The following FAT1 variants were observed in gnomAD, a reference collection of about 807,000 sequenced individuals.
FAT1 encodes FAT atypical cadherin 1, also known as protocadherin Fat 1.
FAT1 carries 171 observed loss-of-function variants against 329.8 expected under a neutral mutation model. The observed-to-expected ratio is 0.52, with a 90% CI of 0.46 to 0.59. The LOEUF (loss-of-function observed/expected upper bound fraction) is 0.59. FAT1 is among the 20% of genes least tolerant of loss of function. FAT1 has a pLI of 0.00. For synonymous variants in FAT1, 2,233 were observed against 2,228.6 expected (o/e 1.00, Z -0.06); for missense variants, 5,672 against 5,774.4 (o/e 0.98, Z 0.57).
At chr4:186,592,679 A>C (rs1242249370) in intron 26 of FAT1, 1 of 456,692 alleles carries the variant, frequency 2.2e-6, no homozygotes, top group Admixed American at 2.3e-5. Context: ...AAGCACGAGC[A>C]CTTACAACTG....
rs1744638538 is a variant in FAT1, at chr4:186,706,861, C to T, written c.2967G>A (p.Leu989=). The T allele has an allele frequency of 1.2e-6, 2 of 1,613,946 alleles. No individual in the cohort carries two copies. The highest frequency in any genetic ancestry group is 1.7e-6 in the Non-Finnish European group (2 of 1,179,892). ...LSGAVRIVQQ[L]DFEKKQVYNL... Reference sequence around the variant, plus strand: ...TATACACTTGCTTCTTCTCAAAGTCCAACTGCTGGACGATCCTAACTGCTC... The same window carrying T: ...TATACACTTGCTTCTTCTCAAAGTCTAACTGCTGGACGATCCTAACTGCTC... The change falls in exon 2 of 27, where the codon TTG becomes TTA. Residue 989 remains leucine (L), a synonymous_variant. Coordinates refer to ENST00000441802, the MANE Select transcript of FAT1 (RefSeq NM_005245.4).
chr4:186,636,608 C>G lies in FAT1; in HGVS notation c.3949G>C (p.Ala1317Pro), dbSNP rs1160597076. Reference protein sequence around the residue: ...GVVSSKRFSAAGEYDILSIKA... With the variant: ...GVVSSKRFSAPGEYDILSIKA... ...ACTGAAAGAATATCATATTCTCCAG[C>G]TGCTGAAAACCTCTTGGACGAAACC... Residue 1317 changes from alanine to proline, a missense_variant, in exon 5 of 27, where the codon GCT becomes CCT. Around this residue, in one of 2 missense-constraint regions of FAT1, gnomAD observed 3,966 missense variants for 3,915.2 expected, o/e 1.01. Coordinates refer to ENST00000441802, the MANE Select transcript of FAT1 (RefSeq NM_005245.4). 6.2e-7 allele frequency: 1 copy of G among 1,611,458 alleles called. No individual in the cohort carries two copies. Among genetic ancestry groups the G allele is most frequent in the Non-Finnish European group, 8.5e-7 (1 of 1,178,652 alleles).
In FAT1 at chr4:186,618,442, T is replaced by C. The variant is rs2126495366; in HGVS notation, c.8144A>G (p.Asp2715Gly). 6.2e-7 allele frequency: 1 copy of C among 1,614,056 alleles called. No homozygotes were observed. The highest frequency in any genetic ancestry group is 8.5e-7 in the Non-Finnish European group (1 of 1,179,902). Residue 2715 changes from aspartate to glycine, a missense_variant, in exon 10 of 27, where the codon GAC (aspartate) becomes GGC (glycine). By Grantham distance (94) the Asp-to-Gly change is moderately conservative (BLOSUM62 -1). Around this residue, in one of 2 missense-constraint regions of FAT1, gnomAD observed 3,966 missense variants for 3,915.2 expected, o/e 1.01. Transcript: ENST00000441802. Reference sequence around the variant, plus strand: ...ATCTATCTCTGTTCCAATAGGCACGTCCTCTGACACTGTAAAGGTATAGAA... The same window carrying C: ...ATCTATCTCTGTTCCAATAGGCACGCCCTCTGACACTGTAAAGGTATAGAA... Reference protein sequence around the residue: ...EPFYTFTVSEDVPIGTEIDLI... With the variant: ...EPFYTFTVSEGVPIGTEIDLI...
chr4:186,597,815 C>T (rs760226790), intron 23 of FAT1, 23 bp from the exon 24 acceptor site: 4 of 1,598,482 alleles, frequency 2.5e-6, no homozygotes, highest in Non-Finnish European at 3.4e-6. Context: ...GAGAAACAGA[C>T]ATAAACCTCA....
At chr4:186,719,667 T>G (rs1210936782) in intron 1 of FAT1, among the ~76,000 whole-genome samples, 1 of 152,190 alleles carries the variant, frequency 6.6e-6, no homozygotes, top group Non-Finnish European at 1.5e-5. Context: ...GGAACTTGCT[T>G]AATCCTTTCG....
intron 2 of FAT1, among the ~76,000 whole-genome samples, chr4:186,692,177 T>C (rs1251255541): frequency 6.6e-6 from 1 of 152,266 alleles, no homozygotes; most frequent in East Asian, 1.9e-4. Context: ...TTTCAAATCC[T>C]AAGATTTCTA....
chr4:186,592,615 T>G, intron 26 of FAT1: 1 of 444,692 alleles, frequency 2.2e-6, no homozygotes, highest in Non-Finnish European at 4.5e-6. Flanking sequence ...TTCCTACCAT[T>G]GCAATAGCAA....
At chr4:186,645,551 A>T (rs964596848) in intron 3 of FAT1, among the ~76,000 whole-genome samples, 2 of 151,322 alleles carry the variant, frequency 1.3e-5, no homozygotes, top group Non-Finnish European at 2.9e-5. Context: ...AACGTCATTT[A>T]GCAAAGTATT....
intron 1 of FAT1, among the ~76,000 whole-genome samples, chr4:186,718,512 C>A (rs1329575945): frequency 6.6e-6 from 1 of 151,880 alleles, no homozygotes; most frequent in Non-Finnish European, 1.5e-5. Flanking sequence ...ACTAAAAATA[C>A]AAAAATTAGC....
intron 3 of FAT1, among the ~76,000 whole-genome samples, chr4:186,651,394 C>T (rs759507261): frequency 1.3e-5 from 2 of 152,058 alleles, no homozygotes; most frequent in African/African-American, 2.4e-5. Context: ...GGACAGAAGG[C>T]GCAAGTGAGC....
chr4:186,681,328 T>G (rs114467684), intron 2 of FAT1, among the ~76,000 whole-genome samples: 2,616 of 152,324 alleles, frequency 0.017, 85 homozygotes, highest in African/African-American at 0.059. Flanking sequence ...TAAAGGTATT[T>G]AATCTATTGA....
intron 3 of FAT1, among the ~76,000 whole-genome samples, chr4:186,663,058 G>A (rs560658125): frequency 2.6e-5 from 4 of 152,216 alleles, no homozygotes; most frequent in South Asian, 2.1e-4. Flanking sequence ...GGATGGTCTC[G>A]ATCTCCTGAC....
rs1356719963 is a variant in FAT1, at chr4:186,618,602, T to C, written c.7984A>G (p.Ile2662Val). The change falls in exon 10 of 27, where the codon ATT becomes GTT. Residue 2662 changes from isoleucine (I) to valine (V), a missense_variant. Coordinates refer to ENST00000441802, the MANE Select transcript of FAT1 (RefSeq NM_005245.4). ...GTGAAGAATTCATTTTCCAAGCCAATGAGGCTCTCCTTTGTAGTGATTACG... is the reference window on the plus strand; with the variant it reads ...GTGAAGAATTCATTTTCCAAGCCAACGAGGCTCTCCTTTGTAGTGATTACG... ...SGVITTKESLIGLENEFFTFF... is the reference protein window; with the variant it reads ...SGVITTKESLVGLENEFFTFF... 5.6e-6 allele frequency: 9 copies of C among 1,613,918 alleles called. No homozygotes were observed. Among genetic ancestry groups the C allele is most frequent in the Non-Finnish European group, 6.8e-6 (8 of 1,179,900 alleles).
At chr4:186,614,452 G>A in intron 11 of FAT1, 108 bp from the exon 12 acceptor site, 3 of 696,314 alleles carry the variant, frequency 4.3e-6, no homozygotes, top group Non-Finnish European at 6.4e-6. Flanking sequence ...AGAAAACATG[G>A]GAAATGACTA....
chr4:186,664,753 T>C (rs73030858), intron 2 of FAT1, among the ~76,000 whole-genome samples: 6,517 of 152,222 alleles, frequency 0.043, 459 homozygotes, highest in African/African-American at 0.15. Flanking sequence ...TTCTCATGGA[T>C]TGATCACTCG....
chr4:186,707,537 C>CA lies in FAT1; in HGVS notation c.2290dup (p.Cys764LeufsTer5). On this transcript the variant is annotated frameshift_variant, in exon 2 of 27. Coordinates refer to ENST00000441802, the MANE Select transcript of FAT1 (RefSeq NM_005245.4). LOFTEE classifies it high-confidence loss of function. The stretch of plus-strand genomic sequence containing the variant: ...TCCTGTTTCCATATCAATCATGAAG[C>CA]AACTATCCTCATTTCCTCCAGAAAC... 1 of 1,613,980 alleles carries CA rather than the reference C, an allele frequency of 6.2e-7. No homozygotes were observed. The highest frequency in any genetic ancestry group is 8.5e-7 in the Non-Finnish European group (1 of 1,179,888).
At chr4:186,658,355 G>C (rs562982977) in intron 3 of FAT1, among the ~76,000 whole-genome samples, 7 of 152,228 alleles carry the variant, frequency 4.6e-5, no homozygotes, top group African/African-American at 1.4e-4. Context: ...ACTCAAACTT[G>C]TGGTTTAGAA....
intron 2 of FAT1, among the ~76,000 whole-genome samples, chr4:186,692,375 C>T (rs1221796240): frequency 1.3e-5 from 2 of 151,990 alleles, no homozygotes; most frequent in Non-Finnish European, 2.9e-5. Flanking sequence ...TGCAGTGGCG[C>T]AATCTCGGTT....
chr4:186,679,416 CAAAAAAA>C (rs1169141587), intron 2 of FAT1, among the ~76,000 whole-genome samples: 23 of 50,306 alleles, frequency 4.6e-4, no homozygotes, highest in Admixed American at 8.3e-4. Context: ...GACTCTGTCT[CAAAAAAA>C]AAAAAAAAAA....
Sources: gnomAD v4.1 joint callset for allele counts (sites outside exome capture counted in the v4.1 genomes callset) on GRCh38, gnomAD v4.1.1 for gene constraint, gnomAD v4.1.1 regional missense constraint, MANE v1.5 for transcripts, NCBI Gene and HGNC (gene_info 2026-07-23, HGNC 2026-07-21) for gene names.